Variants in CDC37L1 observed in about 807,000 individuals in gnomAD.
The protein encoded by CDC37L1 is cell division cycle 37 like 1, HSP90 cochaperone, also known as hsp90 co-chaperone Cdc37-like 1.
In CDC37L1, 32 loss-of-function variants were observed where a neutral mutation model predicts 45.9. The ratio of observed to expected loss-of-function variants is 0.70; its 90% confidence interval spans 0.53 to 0.94. The LOEUF (loss-of-function observed/expected upper bound fraction) is 0.94, where lower values mean the gene tolerates loss of function less well. CDC37L1 is among the 40% of genes least tolerant of loss of function. The pLI, the probability that CDC37L1 is intolerant of heterozygous loss-of-function variation, is 0.00. For missense variants in CDC37L1, 434 were observed against 405.7 expected (o/e 1.07, Z -0.60); for synonymous variants, 150 against 133.0 (o/e 1.13, Z -0.88).
intron 1 of CDC37L1, among the ~76,000 whole-genome samples, chr9:4,680,436 C>G (rs958284802): frequency 2.6e-5 from 4 of 152,196 alleles, no homozygotes; most frequent in African/African-American, 7.2e-5. Context: ...GTACACCTCT[C>G]CCATTCGCGT....
rs1841237240 is a variant in CDC37L1 at position 4,685,280 on chromosome 9, A to T, written c.414+122A>T. On this transcript the variant is annotated intron_variant, in intron 2 of 6. Coordinates refer to ENST00000381854, the MANE Select transcript of CDC37L1 (RefSeq NM_017913.4). ...AAACAGTGTTCAATTTTGACAGTTT[A>T]TGAAAGGTGCTTGAAAAGTTTATGA... The T allele has an allele frequency of 1.6e-5, 13 of 795,604 alleles. No homozygotes were observed. The South Asian group carries it at 2.3e-4, about 14-fold the overall frequency. 49.3% of individuals were successfully genotyped at this position (795,604 alleles called of 1,614,324 possible).
chr9:4,682,297 G>A (rs1841202326), intron 1 of CDC37L1, among the ~76,000 whole-genome samples: 1 of 144,412 alleles, frequency 6.9e-6, no homozygotes, highest in Non-Finnish European at 1.5e-5. Flanking sequence ...TGAGTAGCTG[G>A]GATTACAGGT....
In CDC37L1 at chr9:4,707,547, T is replaced by C. The variant is rs1219189231; in HGVS notation, c.*1435T>C. 1 of 152,204 alleles carries C rather than the reference T, an allele frequency of 6.6e-6. No homozygotes were observed. The highest frequency in any genetic ancestry group is 2.4e-5 in the African/African-American group (1 of 41,454). The allele number at this position is 152,204 out of a possible 1,614,324, so 9.4% of individuals were successfully genotyped here. On this transcript the variant is annotated 3_prime_UTR_variant, in exon 7 of 7. Coordinates refer to ENST00000381854, the MANE Select transcript of CDC37L1 (RefSeq NM_017913.4). ...GATCAGACACTTAGTACCCTAGAAA[T>C]GGACTGGAATTATTGAATCTTCTTC...
chr9:4,684,812 AT>A lies in CDC37L1; in HGVS notation c.133-63del, dbSNP rs1458365181. 2.5e-6 allele frequency: 3 copies of A among 1,206,616 alleles called. No homozygotes were observed. In the African/African-American group the frequency reaches 4.6e-5, roughly 18 times the overall value. 74.7% of individuals were successfully genotyped at this position (1,206,616 alleles called of 1,614,324 possible). Reference sequence around the variant, plus strand: ...ACAGAAATCCTTTGAATTAAGAAAAATTGAACTGTGCTGCACAAACATCCAT... The same window carrying A: ...ACAGAAATCCTTTGAATTAAGAAAAATGAACTGTGCTGCACAAACATCCAT... On this transcript the variant is annotated intron_variant, in intron 1 of 6. Coordinates refer to ENST00000381854, the MANE Select transcript of CDC37L1 (RefSeq NM_017913.4).
intron 3 of CDC37L1, 147 bp downstream of exon 3, chr9:4,688,753 T>C (rs771435194): frequency 6.0e-6 from 3 of 500,432 alleles, no homozygotes; most frequent in Non-Finnish European, 1.0e-5. Flanking sequence ...GATCTTGTTT[T>C]AGAATTTTTT....
intron 2 of CDC37L1, among the ~76,000 whole-genome samples, chr9:4,687,359 T>A (rs972932491): frequency 2.0e-5 from 3 of 152,124 alleles, no homozygotes; most frequent in Non-Finnish European, 4.4e-5. Flanking sequence ...TCAAACTGTT[T>A]GGTCTCTTCT....
intron 3 of CDC37L1, among the ~76,000 whole-genome samples, chr9:4,695,884 G>T (rs1841343246): frequency 6.6e-6 from 1 of 152,138 alleles, no homozygotes; most frequent in African/African-American, 2.4e-5. Context: ...TCCGCCTCCT[G>T]GGTTCAAGTG....
At chr9:4,705,964 T>TA (rs752262702) in intron 6 of CDC37L1, 47 bp from the exon 7 acceptor site, 1 of 882,160 alleles carries the variant, frequency 1.1e-6, no homozygotes, top group African/African-American at 1.6e-5. Context: ...AAACTGGTTA[T>TA]AATGCGTTCT....
chr9:4,692,228 T>C (rs1026986097), intron 3 of CDC37L1, among the ~76,000 whole-genome samples: 3 of 152,142 alleles, frequency 2.0e-5, no homozygotes, highest in Admixed American at 6.5e-5. Context: ...TAAAGCACTC[T>C]TACATATGAA....
intron 2 of CDC37L1, 55 bp downstream of exon 2, chr9:4,685,213 A>G: frequency 7.3e-7 from 1 of 1,362,444 alleles, no homozygotes; most frequent in East Asian, 2.3e-5. Context: ...TGTTTGTACA[A>G]ACCAGTTGTG....
At chr9:4,691,729 A>G (rs2130847949) in intron 3 of CDC37L1, among the ~76,000 whole-genome samples, 1 of 152,214 alleles carries the variant, frequency 6.6e-6, no homozygotes, top group African/African-American at 2.4e-5. Flanking sequence ...CCTTACAATT[A>G]GGTGGAATTT....
At chr9:4,696,168 C>T (rs1241976500) in intron 3 of CDC37L1, among the ~76,000 whole-genome samples, 1 of 152,070 alleles carries the variant, frequency 6.6e-6, no homozygotes, top group Non-Finnish European at 1.5e-5. Flanking sequence ...CTCAGTAGGA[C>T]ATTTGTCTTC....
intron 6 of CDC37L1, chr9:4,702,977 C>A: frequency 9.7e-7 from 1 of 1,035,796 alleles, no homozygotes; most frequent in South Asian, 2.4e-5. Context: ...GACCACTGGT[C>A]TGCCTGATGC....
chr9:4,682,896 AT>A lies in CDC37L1; in HGVS notation c.133-1979del, dbSNP rs1841209668. 1.5e-4 allele frequency among the ~76,000 whole-genome samples: 22 copies of A among 150,684 alleles called. No homozygotes were observed. The Middle Eastern group carries it at 0.014, about 95-fold the overall frequency. ...CTAGTCTACAGTTATTCTTGATCCT[AT>A]TCTAAGATAACTATTCTTGATCCTA... On this transcript the variant is annotated intron_variant, in intron 1 of 6. Coordinates refer to ENST00000381854, the MANE Select transcript of CDC37L1 (RefSeq NM_017913.4).
At chr9:4,693,343 T>G (rs907968233) in intron 3 of CDC37L1, among the ~76,000 whole-genome samples, 20 of 151,760 alleles carry the variant, frequency 1.3e-4, no homozygotes, top group African/African-American at 4.8e-4. Flanking sequence ...CTGCAGAGGC[T>G]GAGGTGGGAG....
At chr9:4,692,718 A>G (rs925157617) in intron 3 of CDC37L1, among the ~76,000 whole-genome samples, 3 of 152,208 alleles carry the variant, frequency 2.0e-5, no homozygotes, top group Non-Finnish European at 2.9e-5. Flanking sequence ...CTTTATTTTT[A>G]TAATCTGAAA....
At chr9:4,696,849 T>G (rs765592563) in intron 3 of CDC37L1, among the ~76,000 whole-genome samples, 1 of 152,260 alleles carries the variant, frequency 6.6e-6, no homozygotes, top group African/African-American at 2.4e-5. Flanking sequence ...CCTGATTAAT[T>G]ATCTGAAATA....
rs1692312182 is a variant in CDC37L1 at position 4,706,556 on chromosome 9, A to C, written c.*444A>C. 1.3e-5 allele frequency: 2 copies of C among 152,896 alleles called. No individual in the cohort carries two copies. The highest frequency in any genetic ancestry group is 4.8e-5 in the African/African-American group (2 of 41,454). 9.5% of individuals were successfully genotyped at this position (152,896 alleles called of 1,614,324 possible). ...TATCCCACTGCTACTTTAGCTGTCA[A>C]ATTTGGTGTTTCATCACATTAAAAG... On this transcript the variant is annotated 3_prime_UTR_variant, in exon 7 of 7. Transcript: ENST00000381854.
chr9:4,681,524 A>G (rs1369248478), intron 1 of CDC37L1, among the ~76,000 whole-genome samples: 4 of 152,238 alleles, frequency 2.6e-5, no homozygotes, highest in Admixed American at 6.5e-5. Flanking sequence ...CATGCCTGTG[A>G]TCCCAGCTAC....
Sources: allele counts gnomAD v4.1 joint callset (sites outside exome capture counted in the v4.1 genomes callset), GRCh38; gene constraint gnomAD v4.1.1; transcripts MANE v1.5; gene names NCBI Gene and HGNC (gene_info 2026-07-23, HGNC 2026-07-21).